Variants in MBNL2 observed in about 807,000 individuals in gnomAD.
MBNL2 encodes muscleblind-like protein 2.
MBNL2 carries 17 observed loss-of-function variants against 41.9 expected under a neutral mutation model. That is an observed-to-expected ratio of 0.41 (90% CI 0.28 to 0.61). The LOEUF is 0.61. MBNL2 is among the 20% of genes least tolerant of loss of function. MBNL2 has a pLI of 0.35. For missense variants in MBNL2, 336 were observed against 505.6 expected (o/e 0.66, Z 3.22); for synonymous variants, 195 against 182.9 (o/e 1.07, Z -0.53).
chr13:97,186,729 T>C, the MBNL2 span, among the ~76,000 whole-genome samples: 1 of 152,310 alleles, frequency 6.6e-6, no homozygotes, highest in South Asian at 2.1e-4. Context: ...GTTTTAAGAT[T>C]AGGTTAGTAT....
chr13:97,266,575 C>T (rs1012388954), intron 1 of MBNL2, among the ~76,000 whole-genome samples: 2 of 152,246 alleles, frequency 1.3e-5, no homozygotes, highest in Non-Finnish European at 2.9e-5. Context: ...TCCGCCCAGG[C>T]GTCTGCATCT....
At chr13:97,208,423 C>A in the MBNL2 span, among the ~76,000 whole-genome samples, 1 of 152,342 alleles carries the variant, frequency 6.6e-6, no homozygotes, top group Admixed American at 6.5e-5. Flanking sequence ...AGGGCTGGAA[C>A]TTGAGCCTTT....
At chr13:97,187,856 C>G in the MBNL2 span, among the ~76,000 whole-genome samples, 1 of 150,038 alleles carries the variant, frequency 6.7e-6, no homozygotes, top group African/African-American at 2.4e-5. Flanking sequence ...CTGCAGTGAG[C>G]TGAGATCGCG....
rs190571087 is a variant in MBNL2, at chr13:97,393,049, G to A, written c.*1600G>A. On this transcript the variant is annotated 3_prime_UTR_variant, in exon 9 of 9. Transcript: ENST00000679496. ...AATTACTATCTATTTATCTTATATC[G>A]TAGATCTGATAACCCTATCTAAAAG... 186 of 152,432 alleles carry A rather than the reference G, an allele frequency of 1.2e-3. 1 individual carries two copies. Among genetic ancestry groups the A allele is most frequent in the African/African-American group, 3.9e-3 (163 of 41,526 alleles). 9.4% of individuals were successfully genotyped at this position (152,432 alleles called of 1,614,324 possible).
At chr13:97,380,506 A>G (rs1566452772) in intron 8 of MBNL2, among the ~76,000 whole-genome samples, 24 of 151,924 alleles carry the variant, frequency 1.6e-4, no homozygotes. Flanking sequence ...CCAAACAAAC[A>G]AACAAAAAAA....
At position 97,334,596 on chromosome 13, in the gene MBNL2, TA is replaced by T. The variant is rs988183170; in HGVS notation, c.339+163del. Among the ~76,000 whole-genome samples, 13 of 152,252 alleles carry T rather than the reference TA, an allele frequency of 8.5e-5. No individual in the cohort carries two copies. The highest frequency in any genetic ancestry group is 2.1e-4 in the South Asian group (1 of 4,824). ...CAATAGATGAAGGAAAATAGGCTTT[TA>T]AAAAAATTAATAGAAAAATATTTGT... On this transcript the variant is annotated intron_variant, in intron 3 of 8. Coordinates refer to ENST00000679496, the MANE Select transcript of MBNL2 (RefSeq NM_001382683.1). This position sits in a 1 kb window ranked among gnomAD's most constrained non-coding sequence, Gnocchi z 5.3.
chr13:97,215,169 A>C, the MBNL2 span, among the ~76,000 whole-genome samples: 1,856 of 152,232 alleles, frequency 0.012, 44 homozygotes, highest in African/African-American at 0.042. Flanking sequence ...TGCGACTTCA[A>C]ATGCCCTTAG....
At chr13:97,344,158 A>C (rs2153083679) in intron 4 of MBNL2, among the ~76,000 whole-genome samples, 1 of 152,338 alleles carries the variant, frequency 6.6e-6, no homozygotes, top group Middle Eastern at 3.4e-3. Context: ...TTGTTCTATA[A>C]CATTCAAGAA....
At chr13:97,319,940 G>A (rs1041340354) in intron 2 of MBNL2, among the ~76,000 whole-genome samples, 14 of 152,088 alleles carry the variant, frequency 9.2e-5, no homozygotes, top group Non-Finnish European at 1.2e-4. Flanking sequence ...TTTGGGGGTT[G>A]TTATAGTTTA....
At chr13:97,166,536 G>A in the MBNL2 span, among the ~76,000 whole-genome samples, 2 of 152,232 alleles carry the variant, frequency 1.3e-5, 1 homozygote, top group Admixed American at 1.3e-4. Context: ...TAATCTGGGT[G>A]GGCACCATCT....
chr13:97,243,249 G>A (rs776493555), intron 1 of MBNL2, among the ~76,000 whole-genome samples: 1 of 152,184 alleles, frequency 6.6e-6, no homozygotes, highest in Non-Finnish European at 1.5e-5. Context: ...AAAAATCAAG[G>A]TTCTTAGATT....
At chr13:97,146,800 T>C in the MBNL2 span, among the ~76,000 whole-genome samples, 1 of 152,170 alleles carries the variant, frequency 6.6e-6, no homozygotes, top group African/African-American at 2.4e-5. Context: ...CACTGATGGA[T>C]GAGGTGGGCA....
chr13:97,371,511 C>T (rs1455532509), intron 8 of MBNL2, among the ~76,000 whole-genome samples: 4 of 152,058 alleles, frequency 2.6e-5, no homozygotes, highest in South Asian at 2.1e-4. Context: ...TTTGTGGGAG[C>T]GGCTGCAGCG....
chr13:97,169,812 G>A, the MBNL2 span, among the ~76,000 whole-genome samples: 1 of 152,152 alleles, frequency 6.6e-6, no homozygotes, highest in Admixed American at 6.5e-5. Context: ...CTGATGATGA[G>A]GTGGTTTCCT....
At chr13:97,295,771 T>G (rs2056917653) in intron 2 of MBNL2, among the ~76,000 whole-genome samples, 1 of 152,116 alleles carries the variant, frequency 6.6e-6, no homozygotes, top group African/African-American at 2.4e-5. Flanking sequence ...CTAGTAGAGT[T>G]CTTGGAGTGA....
At chr13:97,304,261 T>C (rs1324600737) in intron 2 of MBNL2, among the ~76,000 whole-genome samples, 1 of 152,224 alleles carries the variant, frequency 6.6e-6, no homozygotes, top group Admixed American at 6.5e-5. Flanking sequence ...GAAAAGTCTT[T>C]GTCACATATT....
At chr13:97,193,945 G>A in the MBNL2 span, among the ~76,000 whole-genome samples, 8 of 152,144 alleles carry the variant, frequency 5.3e-5, no homozygotes, top group Non-Finnish European at 8.8e-5. Context: ...TGGTCTTTTA[G>A]TTTCTGCAAC....
the MBNL2 span, among the ~76,000 whole-genome samples, chr13:97,189,290 A>G: frequency 6.6e-6 from 1 of 152,124 alleles, no homozygotes; most frequent in East Asian, 1.9e-4. Context: ...GTTGATGGAG[A>G]CTGTGCCTTC....
intron 1 of MBNL2, among the ~76,000 whole-genome samples, chr13:97,241,242 A>T (rs190549478): frequency 6.6e-6 from 1 of 152,170 alleles, no homozygotes; most frequent in East Asian, 1.9e-4. Context: ...CCCACTGAGA[A>T]CCCATTAGCA....
Sources: gnomAD v4.1 joint callset for allele counts (sites outside exome capture counted in the v4.1 genomes callset) on GRCh38, gnomAD v4.1.1 for gene constraint, Gnocchi (gnomAD v3.1) non-coding constraint, MANE v1.5 for transcripts, NCBI Gene and HGNC (gene_info 2026-07-23, HGNC 2026-07-21) for gene names.